KIF26B: variants seen among roughly 807,000 people sequenced by gnomAD.
KIF26B encodes the protein kinesin family member 26B.
In KIF26B, 63 loss-of-function variants were observed where a neutral mutation model predicts 151.2. The observed-to-expected ratio is 0.42, with a 90% CI of 0.34 to 0.51. KIF26B has a LOEUF of 0.51. KIF26B is among the 20% of genes least tolerant of loss of function. The pLI is 0.07. For missense variants in KIF26B, 2,813 were observed against 2,913.6 expected (o/e 0.97, Z 0.79); for synonymous variants, 1,357 against 1,262.1 (o/e 1.08, Z -1.59).
chr1:245,680,612 A>G (rs1368626232), intron 10 of KIF26B, among the ~76,000 whole-genome samples: 1 of 152,070 alleles, frequency 6.6e-6, no homozygotes, highest in Non-Finnish European at 1.5e-5. Context: ...TCACATGGAG[A>G]CCCAGGGGAT....
intron 4 of KIF26B, among the ~76,000 whole-genome samples, chr1:245,513,212 C>T (rs1024657298): frequency 4.6e-5 from 7 of 151,372 alleles, no homozygotes; most frequent in Non-Finnish European, 1.0e-4. Context: ...ACCTGCACCC[C>T]CCCCCAACCC....
At chr1:245,250,376 T>C (rs776333303) in intron 2 of KIF26B, among the ~76,000 whole-genome samples, 2 of 152,246 alleles carry the variant, frequency 1.3e-5, no homozygotes, top group Non-Finnish European at 2.9e-5. Context: ...TTTGGTTTAT[T>C]TGAACTGTGG....
At chr1:245,296,175 C>CTT (rs5782333) in intron 2 of KIF26B, among the ~76,000 whole-genome samples, 42 of 147,024 alleles carry the variant, frequency 2.9e-4, no homozygotes, top group Admixed American at 1.6e-3. Context: ...CACGTTTTGT[C>CTT]TTTTTTTTTT....
Position 245,702,403 on chromosome 1 carries a change from G to C in KIF26B, c.6179-55G>C. 2 of 1,603,782 alleles carry C rather than the reference G, an allele frequency of 1.2e-6. No homozygotes were observed. Among genetic ancestry groups the C allele is most frequent in the South Asian group, 1.1e-5 (1 of 90,220 alleles). ...GCAGCTCCAGGCTGAGCCGTCGGGAGTTGCTTCTCACCCTGTTTGCTCTGC... is the reference window on the plus strand; with the variant it reads ...GCAGCTCCAGGCTGAGCCGTCGGGACTTGCTTCTCACCCTGTTTGCTCTGC... On this transcript the variant is annotated intron_variant, in intron 14 of 14. Transcript: ENST00000407071. This position sits in a 1 kb window ranked among gnomAD's most constrained non-coding sequence, Gnocchi z 4.1.
chr1:245,639,239 A>G (rs564776300), intron 9 of KIF26B, among the ~76,000 whole-genome samples: 1 of 151,888 alleles, frequency 6.6e-6, no homozygotes, highest in Admixed American at 6.6e-5. Flanking sequence ...ATTTTTTCCT[A>G]GATTTTCCAA....
At chr1:245,466,380 A>T (rs1659793231) in intron 4 of KIF26B, among the ~76,000 whole-genome samples, 1 of 152,200 alleles carries the variant, frequency 6.6e-6, no homozygotes, top group Admixed American at 6.5e-5. Context: ...AGAAGAAAGG[A>T]TCTGGTGAAG....
At chr1:245,302,804 C>A (rs192075271) in intron 2 of KIF26B, among the ~76,000 whole-genome samples, 1 of 151,960 alleles carries the variant, frequency 6.6e-6, no homozygotes. Flanking sequence ...GCCTGCCCAA[C>A]ATGGTGAAAC....
At chr1:245,557,483 A>T (rs1329205279) in intron 5 of KIF26B, among the ~76,000 whole-genome samples, 1 of 152,200 alleles carries the variant, frequency 6.6e-6, no homozygotes, top group Admixed American at 6.5e-5. Context: ...AAAACGAATC[A>T]TACTTCCTCA....
rs537452022 is a variant in KIF26B at position 245,232,951 on chromosome 1, A to G, written c.465+76268A>G. 2.4e-4 allele frequency among the ~76,000 whole-genome samples: 37 copies of G among 152,254 alleles called. No individual in the cohort carries two copies. The South Asian group carries it at 7.3e-3, about 30-fold the overall frequency. On this transcript the variant is annotated intron_variant, in intron 2 of 14. Transcript: ENST00000407071. Reference sequence around the variant, plus strand: ...CAGTGAAGCCTCAGAATTCTACTCAACGTAGCACACGAGGCAGCCATTACT... The same window carrying G: ...CAGTGAAGCCTCAGAATTCTACTCAGCGTAGCACACGAGGCAGCCATTACT...
At chr1:245,195,892 G>A (rs1669184204) in intron 2 of KIF26B, among the ~76,000 whole-genome samples, 1 of 152,216 alleles carries the variant, frequency 6.6e-6, no homozygotes. Context: ...CCTTAAAAGA[G>A]TAGCCTTGAG....
At chr1:245,316,414 G>T (rs12731048) in intron 2 of KIF26B, among the ~76,000 whole-genome samples, 1 of 152,136 alleles carries the variant, frequency 6.6e-6, no homozygotes, top group African/African-American at 2.4e-5. Flanking sequence ...ATGAGCCACC[G>T]CGTCCGGCCC....
At chr1:245,193,876 G>A (rs1669150072) in intron 2 of KIF26B, among the ~76,000 whole-genome samples, 1 of 152,216 alleles carries the variant, frequency 6.6e-6, no homozygotes, top group Admixed American at 6.5e-5. Flanking sequence ...GCAAATCAAT[G>A]GCAGAGAAAG....
At chr1:245,510,232 T>C (rs922565746) in intron 4 of KIF26B, among the ~76,000 whole-genome samples, 1 of 152,214 alleles carries the variant, frequency 6.6e-6, no homozygotes, top group African/African-American at 2.4e-5. Context: ...CTTTCATTAC[T>C]GAGAGCATTG....
chr1:245,394,782 C>T (rs1673790041), intron 3 of KIF26B, among the ~76,000 whole-genome samples: 1 of 150,722 alleles, frequency 6.6e-6, no homozygotes, highest in Non-Finnish European at 1.5e-5. Context: ...TCTCCACCTC[C>T]CAGGTTCAAG....
At chr1:245,577,811 A>G (rs183355721) in intron 5 of KIF26B, among the ~76,000 whole-genome samples, 6,173 of 133,942 alleles carry the variant, frequency 0.046, 375 homozygotes, top group East Asian at 0.15. Context: ...GCTTTGTGGA[A>G]CTCCGGGCGA....
intron 2 of KIF26B, among the ~76,000 whole-genome samples, chr1:245,188,660 T>C (rs1407639456): frequency 6.6e-6 from 1 of 152,196 alleles, no homozygotes; most frequent in Admixed American, 6.5e-5. Context: ...TACGACAGTT[T>C]TTCAAAAAAT....
intron 4 of KIF26B, among the ~76,000 whole-genome samples, chr1:245,425,596 G>A (rs1041001383): frequency 1.7e-4 from 26 of 152,064 alleles, no homozygotes; most frequent in African/African-American, 4.6e-4. Context: ...TAGTAGAGAC[G>A]GGGTTTCACC....
In KIF26B at chr1:245,564,743, T is replaced by C. The variant is rs1184351101; in HGVS notation, c.1350+23793T>C. 6.6e-6 allele frequency among the ~76,000 whole-genome samples: 1 copy of C among 152,166 alleles called. No homozygotes were observed. Among genetic ancestry groups the C allele is most frequent in the Non-Finnish European group, 1.5e-5 (1 of 68,038 alleles). Reference sequence around the variant, plus strand: ...GGACTGGTTTCACGGAAGACAGTTTTCCCACGGACCAAGGGTGGTGGTGGG... The same window carrying C: ...GGACTGGTTTCACGGAAGACAGTTTCCCCACGGACCAAGGGTGGTGGTGGG... On this transcript the variant is annotated intron_variant, in intron 5 of 14. Transcript: ENST00000407071. This position sits in a 1 kb window ranked among gnomAD's most constrained non-coding sequence, Gnocchi z 4.6.
At chr1:245,484,883 G>T (rs199748978) in intron 4 of KIF26B, among the ~76,000 whole-genome samples, 21 of 148,976 alleles carry the variant, frequency 1.4e-4, no homozygotes, top group East Asian at 6.4e-4. Flanking sequence ...GCTTTTTTTT[G>T]AATTAACTGG....
Sources: gnomAD v4.1 joint callset for allele counts (sites outside exome capture counted in the v4.1 genomes callset) on GRCh38, gnomAD v4.1.1 for gene constraint, Gnocchi (gnomAD v3.1) non-coding constraint, MANE v1.5 for transcripts, NCBI Gene and HGNC (gene_info 2026-07-23, HGNC 2026-07-21) for gene names.